The following DSCAM variants were observed in gnomAD, a reference collection of about 807,000 sequenced individuals.
DSCAM encodes cell adhesion molecule DSCAM.
Under a neutral mutation model 217.7 loss-of-function variants are expected in DSCAM, and 47 were observed. The ratio of observed to expected loss-of-function variants is 0.22; its 90% CI spans 0.17 to 0.28. The LOEUF is 0.28. Among genes scored for constraint, DSCAM ranks in the 10% least tolerant of loss-of-function variants. DSCAM has a pLI of 1.00. For missense variants in DSCAM, 2,080 were observed against 2,618.3 expected (o/e 0.79, Z 4.49); for synonymous variants, 1,056 against 1,015.3 (o/e 1.04, Z -0.76).
intron 20 of DSCAM, among the ~76,000 whole-genome samples, chr21:40,123,348 A>G (rs1308773930): frequency 6.6e-6 from 1 of 152,230 alleles, no homozygotes; most frequent in Non-Finnish European, 1.5e-5. Context: ...TCACTCAACA[A>G]ACGCTTAGTG....
At chr21:40,350,017 C>T (rs542345477) in intron 5 of DSCAM, among the ~76,000 whole-genome samples, 1 of 152,138 alleles carries the variant, frequency 6.6e-6, no homozygotes, top group East Asian at 1.9e-4. Flanking sequence ...CTAAGATTTG[C>T]TTTTTAATCC....
At chr21:40,047,364 C>T (rs910802342) in intron 30 of DSCAM, among the ~76,000 whole-genome samples, 2 of 152,142 alleles carry the variant, frequency 1.3e-5, no homozygotes, top group Non-Finnish European at 2.9e-5. Flanking sequence ...ATTTACTGCT[C>T]CTTCATGGAA....
intron 2 of DSCAM, among the ~76,000 whole-genome samples, chr21:40,698,446 C>T (rs1317773566): frequency 6.6e-6 from 1 of 152,090 alleles, no homozygotes; most frequent in Non-Finnish European, 1.5e-5. Flanking sequence ...AGGCGATGTC[C>T]AGGAAGATTG....
At chr21:40,091,066 G>A (rs767763212) in intron 21 of DSCAM, among the ~76,000 whole-genome samples, 4 of 152,166 alleles carry the variant, frequency 2.6e-5, no homozygotes, top group East Asian at 1.9e-4. Context: ...AAGCACACCC[G>A]CCATTAGTTG....
At chr21:40,128,018 C>T (rs529113841) in intron 19 of DSCAM, among the ~76,000 whole-genome samples, 193 of 151,974 alleles carry the variant, frequency 1.3e-3, no homozygotes, top group African/African-American at 4.5e-3. Context: ...TTCTAGCACA[C>T]GTCATTTCCT....
chr21:40,805,319 G>C (rs774262611), intron 1 of DSCAM, among the ~76,000 whole-genome samples: 1 of 152,092 alleles, frequency 6.6e-6, no homozygotes, highest in Non-Finnish European at 1.5e-5. Flanking sequence ...GGTTCCTTCT[G>C]TTTGTTCATT....
At chr21:40,334,598 C>T (rs2074410076) in intron 8 of DSCAM, among the ~76,000 whole-genome samples, 1 of 152,162 alleles carries the variant, frequency 6.6e-6, no homozygotes, top group Non-Finnish European at 1.5e-5. Flanking sequence ...CCCCCTTTCC[C>T]CGAATAGACC....
chr21:40,790,596 T>C (rs977559640), intron 1 of DSCAM, among the ~76,000 whole-genome samples: 3 of 152,172 alleles, frequency 2.0e-5, no homozygotes, highest in African/African-American at 4.8e-5. Flanking sequence ...GTTGTATAAA[T>C]GATTGGTTGA....
chr21:40,502,123 G>A (rs2076174568), intron 3 of DSCAM, among the ~76,000 whole-genome samples: 1 of 152,110 alleles, frequency 6.6e-6, no homozygotes, highest in Non-Finnish European at 1.5e-5. Flanking sequence ...AATTTATCAT[G>A]TTTTAAAATT....
intron 14 of DSCAM, among the ~76,000 whole-genome samples, chr21:40,179,745 T>TAAC (rs2146804167): frequency 6.6e-6 from 1 of 152,376 alleles, no homozygotes; most frequent in South Asian, 2.1e-4. Flanking sequence ...CAGCTAATTA[T>TAAC]AACAGCAGCA....
intron 4 of DSCAM, among the ~76,000 whole-genome samples, chr21:40,359,054 G>A (rs1462266704): frequency 6.6e-6 from 1 of 152,088 alleles, no homozygotes; most frequent in Non-Finnish European, 1.5e-5. Context: ...AGGCATTAGG[G>A]TAATATGAAT....
intron 3 of DSCAM, among the ~76,000 whole-genome samples, chr21:40,482,053 CG>C (rs1039257259): frequency 6.6e-6 from 1 of 152,162 alleles, no homozygotes; most frequent in African/African-American, 2.4e-5. Flanking sequence ...AACACCACTC[CG>C]GGGGGAAGAG....
chr21:40,179,207 AAAG>A, intron 14 of DSCAM, 113 bp from the exon 15 acceptor site: 2 of 1,028,778 alleles, frequency 1.9e-6, no homozygotes. Flanking sequence ...AAAAAAAAAA[AAAG>A]ACGGAAAGAA....
intron 3 of DSCAM, among the ~76,000 whole-genome samples, chr21:40,466,455 A>G (rs554071057): frequency 6.6e-6 from 1 of 152,294 alleles, no homozygotes; most frequent in East Asian, 1.9e-4. Context: ...CTCCATGGCA[A>G]TTCTAACAAG....
At chr21:40,626,556 G>A (rs1293755077) in intron 3 of DSCAM, among the ~76,000 whole-genome samples, 1 of 152,122 alleles carries the variant, frequency 6.6e-6, no homozygotes, top group Non-Finnish European at 1.5e-5. Flanking sequence ...CCAGCCTCTG[G>A]TGATCTGAAT....
chr21:40,407,010 C>T (rs975304312), intron 3 of DSCAM, among the ~76,000 whole-genome samples: 15 of 152,074 alleles, frequency 9.9e-5, no homozygotes, highest in Admixed American at 3.9e-4. Context: ...TGGAGAGATA[C>T]GAGCTAAAGA....
At chr21:40,278,097 C>T (rs959372842) in intron 10 of DSCAM, among the ~76,000 whole-genome samples, 1 of 151,642 alleles carries the variant, frequency 6.6e-6, no homozygotes, top group African/African-American at 2.4e-5. Flanking sequence ...ATAGTAACAA[C>T]CAATTGGGAA....
rs1027245824 is a variant in DSCAM at position 40,365,333 on chromosome 21, C to T, written c.655+3766G>A. Among the ~76,000 whole-genome samples, 12 of 152,282 alleles carry T rather than the reference C, an allele frequency of 7.9e-5. 1 individual carries two copies. Among genetic ancestry groups the T allele is most frequent in the East Asian group, 3.9e-4 (2 of 5,170 alleles). ...AGTCCTCCAGCCTACATCTTTCTCC[C>T]GTGCTGGATGCTTCCTGCCCTTGAG... On this transcript the variant is annotated intron_variant, in intron 4 of 32. Transcript: ENST00000400454.
intron 3 of DSCAM, among the ~76,000 whole-genome samples, chr21:40,376,112 G>A (rs189898899): frequency 1.3e-5 from 2 of 152,052 alleles, no homozygotes; most frequent in East Asian, 1.9e-4. Context: ...TCCTATTGCA[G>A]TCTATATGAA....
Sources: allele counts gnomAD v4.1 joint callset (sites outside exome capture counted in the v4.1 genomes callset), GRCh38; gene constraint gnomAD v4.1.1; transcripts MANE v1.5; gene names NCBI Gene and HGNC (gene_info 2026-07-23, HGNC 2026-07-21).